The following LINGO2 variants were observed in gnomAD, a reference collection of about 807,000 sequenced individuals.
LINGO2 encodes leucine rich repeat and Ig domain containing 2.
LINGO2 carries 14 observed loss-of-function variants against 30.6 expected under a neutral mutation model. The ratio of observed to expected loss-of-function variants is 0.46; its 90% CI spans 0.30 to 0.72. The LOEUF is 0.72. Ranked by LOEUF, LINGO2 falls within the 30% of genes least tolerant of loss-of-function variation. The pLI is 0.07. For missense variants in LINGO2, 729 were observed against 751.7 expected (o/e 0.97, Z 0.35); for synonymous variants, 317 against 288.5 (o/e 1.10, Z -1.00).
chr9:28,659,302 T>A (rs1466877053), intron 1 of LINGO2, among the ~76,000 whole-genome samples: 6 of 151,980 alleles, frequency 3.9e-5, no homozygotes, highest in African/African-American at 9.7e-5. Context: ...ATTCAAAAAA[T>A]TTAAATTAAA....
intron 4 of LINGO2, among the ~76,000 whole-genome samples, chr9:28,207,284 T>C (rs967924414): frequency 6.6e-6 from 1 of 152,118 alleles, no homozygotes; most frequent in Admixed American, 6.6e-5. Flanking sequence ...ACATAGTCAA[T>C]TGAAGTAATC....
At chr9:28,718,383 T>A in the LINGO2 span, among the ~76,000 whole-genome samples, 1 of 152,044 alleles carries the variant, frequency 6.6e-6, no homozygotes, top group East Asian at 1.9e-4. Flanking sequence ...ATGAAATATA[T>A]GTATAATACA....
chr9:28,589,819 A>G (rs1019543699), intron 1 of LINGO2, among the ~76,000 whole-genome samples: 3 of 152,074 alleles, frequency 2.0e-5, no homozygotes, highest in African/African-American at 7.2e-5. Flanking sequence ...TTCATATGGA[A>G]CCAAAAAAGA....
chr9:28,763,616 C>T, the LINGO2 span, among the ~76,000 whole-genome samples: 1 of 150,576 alleles, frequency 6.6e-6, no homozygotes, highest in Admixed American at 6.6e-5. Flanking sequence ...ACATTTATAC[C>T]TAAAGGAACT....
chr9:28,772,021 A>G, the LINGO2 span, among the ~76,000 whole-genome samples: 1 of 152,204 alleles, frequency 6.6e-6, no homozygotes, highest in African/African-American at 2.4e-5. Context: ...TGAAATACCT[A>G]GCACAGTGCT....
intron 1 of LINGO2, among the ~76,000 whole-genome samples, chr9:28,537,348 T>C (rs1423462832): frequency 6.6e-6 from 1 of 152,140 alleles, no homozygotes; most frequent in Non-Finnish European, 1.5e-5. Context: ...TCTCCTCTCA[T>C]CCCTTTCCCC....
At chr9:29,203,061 T>C in the LINGO2 span, among the ~76,000 whole-genome samples, 1 of 152,124 alleles carries the variant, frequency 6.6e-6, no homozygotes, top group Non-Finnish European at 1.5e-5. Context: ...GAATCTTGAA[T>C]TCAGAACCAA....
the LINGO2 span, among the ~76,000 whole-genome samples, chr9:28,948,962 T>C: frequency 2.6e-5 from 4 of 152,086 alleles, no homozygotes; most frequent in East Asian, 7.7e-4. Context: ...GCCCATTAAA[T>C]AATATTGACA....
chr9:28,707,820 T>C, the LINGO2 span, among the ~76,000 whole-genome samples: 2 of 152,082 alleles, frequency 1.3e-5, no homozygotes, highest in South Asian at 2.1e-4. Context: ...CTGAGAATTA[T>C]AGAAGCCAGA....
At chr9:28,916,297 A>T in the LINGO2 span, among the ~76,000 whole-genome samples, 3 of 152,138 alleles carry the variant, frequency 2.0e-5, no homozygotes, top group Non-Finnish European at 4.4e-5. Flanking sequence ...TTGTGGGGAA[A>T]ATCTACATTC....
the LINGO2 span, among the ~76,000 whole-genome samples, chr9:29,020,360 C>A: frequency 6.6e-6 from 1 of 152,112 alleles, no homozygotes; most frequent in Non-Finnish European, 1.5e-5. Flanking sequence ...ATCAACCACA[C>A]AGACACAAAA....
the LINGO2 span, among the ~76,000 whole-genome samples, chr9:29,035,918 G>A: frequency 6.6e-6 from 1 of 151,938 alleles, no homozygotes; most frequent in Non-Finnish European, 1.5e-5. Context: ...GAAAAATATT[G>A]AAATCTTGGA....
At chr9:28,217,953 TA>T (rs1270158862) in intron 4 of LINGO2, among the ~76,000 whole-genome samples, 1 of 151,660 alleles carries the variant, frequency 6.6e-6, no homozygotes, top group Non-Finnish European at 1.5e-5. Flanking sequence ...CCTAAGGACA[TA>T]ATTTGGAAAA....
intron 4 of LINGO2, among the ~76,000 whole-genome samples, chr9:28,159,424 G>A (rs1259216980): frequency 1.3e-5 from 2 of 151,876 alleles, no homozygotes; most frequent in African/African-American, 4.8e-5. Flanking sequence ...CATTTAATAA[G>A]CATGTATAAT....
At chr9:28,477,322 A>C (rs559924312) in intron 1 of LINGO2, among the ~76,000 whole-genome samples, 119 of 152,196 alleles carry the variant, frequency 7.8e-4, no homozygotes, top group African/African-American at 2.7e-3. Context: ...GGCAGGTGTT[A>C]TTAATATCCC....
chr9:28,351,865 T>C (rs1360429358), intron 3 of LINGO2, among the ~76,000 whole-genome samples: 135 of 149,604 alleles, frequency 9.0e-4, no homozygotes, highest in South Asian at 3.6e-3. Context: ...TCAATAAATG[T>C]AATCCAGCAT....
chr9:28,814,201 G>A, the LINGO2 span, among the ~76,000 whole-genome samples: 5 of 152,148 alleles, frequency 3.3e-5, no homozygotes, highest in East Asian at 9.7e-4. Context: ...AACTTTGGGA[G>A]GCCAAGGCAG....
At chr9:29,083,915 A>G in the LINGO2 span, among the ~76,000 whole-genome samples, 4 of 152,110 alleles carry the variant, frequency 2.6e-5, no homozygotes, top group Admixed American at 6.6e-5. Flanking sequence ...AGTAGGTATT[A>G]TAAGTCCTTT....
chr9:28,131,733 T>C (rs946679762), intron 4 of LINGO2, among the ~76,000 whole-genome samples: 11 of 152,116 alleles, frequency 7.2e-5, no homozygotes, highest in African/African-American at 2.7e-4. Context: ...AATAAAAGGT[T>C]GCTGACCCAC....
Sources: gnomAD v4.1 joint callset for allele counts (sites outside exome capture counted in the v4.1 genomes callset) on GRCh38, gnomAD v4.1.1 for gene constraint, MANE v1.5 for transcripts, NCBI Gene and HGNC (gene_info 2026-07-23, HGNC 2026-07-21) for gene names.